MAGI1: variants seen among roughly 807,000 people sequenced by gnomAD.
MAGI1 encodes membrane-associated guanylate kinase, WW and PDZ domain-containing protein 1.
In MAGI1, 58 loss-of-function variants were observed where a neutral mutation model predicts 139.9. The observed-to-expected ratio is 0.41, with a 90% CI of 0.34 to 0.52. MAGI1 has a LOEUF of 0.52. Among genes scored for constraint, MAGI1 ranks in the 20% least tolerant of loss-of-function variants. The pLI is 0.12. For missense variants in MAGI1, 1,874 were observed against 1,901.6 expected (o/e 0.99, Z 0.27); for synonymous variants, 812 against 737.9 (o/e 1.10, Z -1.63).
At chr3:65,444,082 A>T (rs1419929696) in intron 7 of MAGI1, among the ~76,000 whole-genome samples, 1 of 152,148 alleles carries the variant, frequency 6.6e-6, no homozygotes, top group African/African-American at 2.4e-5. Flanking sequence ...TTTGCTCCAC[A>T]TGTTACTTGT....
intron 1 of MAGI1, among the ~76,000 whole-genome samples, chr3:65,863,595 T>C (rs1172406650): frequency 6.6e-6 from 1 of 152,164 alleles, no homozygotes; most frequent in Non-Finnish European, 1.5e-5. Flanking sequence ...CTGGTTGAGA[T>C]ATACAAATGT....
chr3:65,949,352 G>A (rs115760092), intron 1 of MAGI1, among the ~76,000 whole-genome samples: 137 of 152,284 alleles, frequency 9.0e-4, no homozygotes, highest in African/African-American at 3.2e-3. Flanking sequence ...CTACTAGCTG[G>A]CTGGAAATTG....
chr3:65,529,190 A>G (rs1464193131), intron 2 of MAGI1, among the ~76,000 whole-genome samples: 2 of 152,244 alleles, frequency 1.3e-5, no homozygotes, highest in East Asian at 3.9e-4. Flanking sequence ...TTTTGAGTAG[A>G]TACTTTTCAC....
At chr3:65,598,467 G>A (rs2082333202) in intron 2 of MAGI1, among the ~76,000 whole-genome samples, 1 of 152,214 alleles carries the variant, frequency 6.6e-6, no homozygotes, top group Non-Finnish European at 1.5e-5. Flanking sequence ...CCCTTCTGAT[G>A]AAACTGACTT....
intron 1 of MAGI1, among the ~76,000 whole-genome samples, chr3:65,994,726 G>T (rs1238072999): frequency 6.6e-6 from 1 of 152,198 alleles, no homozygotes; most frequent in African/African-American, 2.4e-5. Flanking sequence ...AAATTGCTTA[G>T]CTGGAATCAC....
chr3:65,826,881 T>G (rs6445508), intron 1 of MAGI1, among the ~76,000 whole-genome samples: 8,454 of 152,200 alleles, frequency 0.056, 309 homozygotes, highest in African/African-American at 0.1. Flanking sequence ...AAGGAAGCCT[T>G]TAAAAATAAA....
chr3:65,396,678 T>G (rs1207421971), intron 13 of MAGI1, among the ~76,000 whole-genome samples: 1 of 152,166 alleles, frequency 6.6e-6, no homozygotes, highest in Admixed American at 6.5e-5. Context: ...TAAAGCAAAA[T>G]TATTTACAGT....
At chr3:65,488,016 G>C (rs888030788) in intron 3 of MAGI1, among the ~76,000 whole-genome samples, 1 of 152,200 alleles carries the variant, frequency 6.6e-6, no homozygotes, top group African/African-American at 2.4e-5. Context: ...ACAGAATACT[G>C]AACATTCCCA....
intron 1 of MAGI1, among the ~76,000 whole-genome samples, chr3:65,734,443 G>C (rs2034497665): frequency 7.2e-6 from 1 of 138,112 alleles, no homozygotes; most frequent in African/African-American, 2.9e-5. Context: ...CTGGGCAACA[G>C]AGTGAGACCC....
At chr3:65,656,979 C>CAAAAAAAAA (rs58817001) in intron 1 of MAGI1, among the ~76,000 whole-genome samples, 10 of 73,914 alleles carry the variant, frequency 1.4e-4, no homozygotes, top group African/African-American at 1.7e-4. Flanking sequence ...GACACCATCT[C>CAAAAAAAAA]AAAAAAAAAA....
rs1553671016 is a variant in MAGI1 at position 65,570,431 on chromosome 3, A to AAG, written c.430+51540_430+51541insCT. On this transcript the variant is annotated intron_variant, in intron 2 of 22. Transcript: ENST00000402939. ...TACAATACTTCATAAAAAAAAAAAA[A>AAG]TGTTTAATCAGCTCAGATTAAAAAT... is the stretch of plus-strand genomic sequence containing the variant. Among the ~76,000 whole-genome samples the AAG allele has an allele frequency of 1.3e-3, 190 of 151,534 alleles. 1 individual carries two copies. Among genetic ancestry groups the AAG allele is most frequent in the African/African-American group, 4.1e-3 (168 of 41,162 alleles).
At chr3:65,969,007 G>A (rs1322062204) in intron 1 of MAGI1, among the ~76,000 whole-genome samples, 1 of 152,148 alleles carries the variant, frequency 6.6e-6, no homozygotes, top group South Asian at 2.1e-4. Context: ...GAAGGACTAC[G>A]TAATTTGCTG....
intron 1 of MAGI1, among the ~76,000 whole-genome samples, chr3:66,010,077 C>CA (rs60882502): frequency 0.42 from 29,220 of 69,970 alleles, 8,674 homozygotes; most frequent in East Asian, 0.69. Context: ...CTCTCTGTCT[C>CA]AAAAAAAAAA....
Position 65,590,718 on chromosome 3 carries a change from T to C in MAGI1, c.430+31254A>G, listed in dbSNP as rs570672656. Among the ~76,000 whole-genome samples the C allele has an allele frequency of 3.3e-5, 5 of 152,262 alleles. No individual in the cohort carries two copies. The East Asian group carries it at 9.7e-4, about 30-fold the overall frequency. On this transcript the variant is annotated intron_variant, in intron 2 of 22. Coordinates refer to ENST00000402939, the MANE Select transcript of MAGI1 (RefSeq NM_001033057.2). ...TCTGTCCTACCAAATGTGACCTACA[T>C]CACTACTGTGCCCAGGATAGGCAAA...
intron 1 of MAGI1, among the ~76,000 whole-genome samples, chr3:66,006,945 C>G (rs1315790300): frequency 1.3e-5 from 2 of 152,126 alleles, no homozygotes; most frequent in Non-Finnish European, 2.9e-5. Flanking sequence ...ATCTTCCCAC[C>G]TCAGCCTCCC....
intron 1 of MAGI1, among the ~76,000 whole-genome samples, chr3:65,921,295 A>G (rs1327128029): frequency 6.6e-6 from 1 of 151,000 alleles, no homozygotes; most frequent in Non-Finnish European, 1.5e-5. Context: ...TCTGTATTTT[A>G]GCAATGACGT....
Position 65,921,028 on chromosome 3 carries a change from C to CAA in MAGI1, c.313+116966_313+116967dup, listed in dbSNP as rs111680943. ...TGGGTGACAGAGCAAGGTTCTGTCT[C>CAA]AAAAAAAAAAAACAAAATGGAATTG... On this transcript the variant is annotated intron_variant, in intron 1 of 22. Transcript: ENST00000402939. 3.3e-3 allele frequency among the ~76,000 whole-genome samples: 406 copies of CAA among 124,582 alleles called. 2 individuals are homozygous for CAA. The highest frequency in any genetic ancestry group is 0.011 in the African/African-American group (373 of 34,082). The allele number at this position is 124,582 out of a possible 152,430, so 81.7% of individuals were successfully genotyped here. A position where few individuals can be genotyped will look rare whatever the true frequency, so the allele number is the denominator to read the frequency against.
intron 3 of MAGI1, among the ~76,000 whole-genome samples, chr3:65,489,459 T>C (rs1221833189): frequency 6.6e-6 from 1 of 152,194 alleles, no homozygotes; most frequent in African/African-American, 2.4e-5. Flanking sequence ...TGCGTAACAA[T>C]ATACTTGAAG....
intron 2 of MAGI1, chr3:65,598,019 C>A (rs534738928): frequency 1.7e-5 from 7 of 422,046 alleles, no homozygotes; most frequent in African/African-American, 1.4e-4. Flanking sequence ...GAGGTGCTGG[C>A]AGCAGGAGCA....
Sources: gnomAD v4.1 joint callset for allele counts (sites outside exome capture counted in the v4.1 genomes callset) on GRCh38, gnomAD v4.1.1 for gene constraint, MANE v1.5 for transcripts, NCBI Gene and HGNC (gene_info 2026-07-23, HGNC 2026-07-21) for gene names.